The following CSMD2 variants were observed in gnomAD, a reference collection of about 807,000 sequenced individuals.
CSMD2 encodes CUB and Sushi multiple domains 2.
In CSMD2, 130 loss-of-function variants were observed where a neutral mutation model predicts 398.5. The observed-to-expected ratio is 0.33, with a 90% CI of 0.28 to 0.38. CSMD2 has a LOEUF of 0.38. Among genes scored for constraint, CSMD2 ranks in the 10% least tolerant of loss-of-function variants. CSMD2 has a pLI of 1.00. For synonymous variants in CSMD2, 1,828 were observed against 1,908.5 expected (o/e 0.96, Z 1.10); for missense variants, 3,829 against 4,764.9 (o/e 0.80, Z 5.78).
intron 6 of CSMD2, among the ~76,000 whole-genome samples, chr1:33,845,606 T>C (rs545088690): frequency 2.6e-5 from 4 of 152,224 alleles, no homozygotes; most frequent in African/African-American, 9.7e-5. Context: ...GCTGTTCCAC[T>C]CACACAAAGA....
At chr1:33,946,095 T>A (rs1644829580) in intron 3 of CSMD2, among the ~76,000 whole-genome samples, 1 of 152,158 alleles carries the variant, frequency 6.6e-6, no homozygotes, top group Admixed American at 6.5e-5. Context: ...ACTCCCTCCC[T>A]CTTGAAGAAA....
At chr1:34,013,691 T>C (rs969451462) in intron 3 of CSMD2, among the ~76,000 whole-genome samples, 32 of 151,888 alleles carry the variant, frequency 2.1e-4, no homozygotes, top group African/African-American at 7.0e-4. Context: ...GGTCCACACC[T>C]GGGGAAAAAA....
At chr1:33,864,555 CA>C in intron 5 of CSMD2, 7 of 1,614,026 alleles carry the variant, frequency 4.3e-6, no homozygotes, top group Non-Finnish European at 5.9e-6. Flanking sequence ...GTCGGTGGTG[CA>C]GGTGGCCAAG....
chr1:33,519,912 G>C lies in CSMD2; in HGVS notation c.10636C>G (p.Arg3546Gly), dbSNP rs150254787. 57 of 1,614,046 alleles carry C rather than the reference G, an allele frequency of 3.5e-5. No individual in the cohort carries two copies. The highest frequency in any genetic ancestry group is 4.7e-5 in the Non-Finnish European group (55 of 1,180,030). The change falls in exon 69 of 71, where the codon CGC becomes GGC. Residue 3546 changes from arginine to glycine, a missense_variant. Around this residue, in one of 5 missense-constraint regions of CSMD2, gnomAD observed 917 missense variants for 1,199.5 expected, o/e 0.76. Coordinates refer to ENST00000373381, the MANE Select transcript of CSMD2 (RefSeq NM_001281956.2). This position sits in a 1 kb window ranked among gnomAD's most constrained non-coding sequence, Gnocchi z 5.6. ...GAGCTGCTGTTGGAAGCAAAGTGGC[G>C]GCCAATGGACTCGGGGTCTGACTCC... ...LLESDPESIG[R>G]HFASNSSSVA... is the part of the protein sequence containing the mutation.
chr1:33,553,389 C>A (rs1297697344), intron 55 of CSMD2, among the ~76,000 whole-genome samples: 1 of 152,216 alleles, frequency 6.6e-6, no homozygotes, highest in Non-Finnish European at 1.5e-5. Context: ...ACCATGCACA[C>A]ATAAAATGGA....
Position 33,688,639 on chromosome 1 carries a change from A to G in CSMD2, c.4052+4291T>C, listed in dbSNP as rs890615338. Among the ~76,000 whole-genome samples, 51 of 152,246 alleles carry G rather than the reference A, an allele frequency of 3.3e-4. 1 individual carries two copies. The highest frequency in any genetic ancestry group is 1.2e-3 in the African/African-American group (49 of 41,540). ...CAGGAGTTCGAGACCAGCCTGGCTA[A>G]CATGGTGAAACCCTGTCTCTACAAA... On this transcript the variant is annotated intron_variant, in intron 25 of 70. Coordinates refer to ENST00000373381, the MANE Select transcript of CSMD2 (RefSeq NM_001281956.2).
intron 15 of CSMD2, among the ~76,000 whole-genome samples, chr1:33,729,953 A>C (rs1646668831): frequency 6.6e-6 from 1 of 152,194 alleles, no homozygotes; most frequent in African/African-American, 2.4e-5. Context: ...CTATTTCTAG[A>C]ACTCTCCCAA....
chr1:33,861,312 G>T (rs1328822478), intron 5 of CSMD2: 1 of 152,100 alleles, frequency 6.6e-6, no homozygotes, highest in Non-Finnish European at 1.5e-5. Context: ...AGGTTTTATT[G>T]GAACATAGCC....
intron 3 of CSMD2, among the ~76,000 whole-genome samples, chr1:33,998,681 C>A (rs1646803844): frequency 6.6e-6 from 1 of 152,194 alleles, no homozygotes; most frequent in African/African-American, 2.4e-5. Context: ...GTGTCTGGTA[C>A]ATGGAGGACC....
chr1:33,550,236 T>C lies in CSMD2; in HGVS notation c.8858A>G (p.Asn2953Ser). The C allele has an allele frequency of 6.2e-7, 1 of 1,614,190 alleles. No individual in the cohort carries two copies. The change falls in exon 56 of 71, where the codon AAC becomes AGC. Residue 2953 changes from asparagine (N) to serine (S), a missense_variant. Transcript: ENST00000373381. Reference protein sequence around the residue: ...SCIGKRTLVGNSTRMCGLDGH... With the variant: ...SCIGKRTLVGSSTRMCGLDGH... Reference sequence around the variant, plus strand: ...ATCCAGCCCACACATGCGGGTGCTGTTTCCCACCAGAGTACGCTTGCCGAT... The same window carrying C: ...ATCCAGCCCACACATGCGGGTGCTGCTTCCCACCAGAGTACGCTTGCCGAT...
Position 33,724,497 on chromosome 1 carries a change from CCCT to C in CSMD2, c.2884+16_2884+18del. The C allele has an allele frequency of 6.2e-7, 1 of 1,609,468 alleles. No individual in the cohort carries two copies. Among genetic ancestry groups the C allele is most frequent in the Non-Finnish European group, 8.5e-7 (1 of 1,177,320 alleles). ...GAGAGGAGTCTGCTACTTTAGCGCC[CCCT>C]CATGGTGTCCCTCACCTTCACAACT... is the stretch of plus-strand genomic sequence containing the variant. On this transcript the variant is annotated intron_variant, in intron 18 of 70. Transcript: ENST00000373381.
At position 33,635,499 on chromosome 1, in the gene CSMD2, G is replaced by A. The variant is rs1441362464; in HGVS notation, c.4970-169C>T. 2.0e-5 allele frequency among the ~76,000 whole-genome samples: 3 copies of A among 152,204 alleles called. No homozygotes were observed. Among genetic ancestry groups the A allele is most frequent in the Admixed American group, 6.5e-5 (1 of 15,286 alleles). ...TGCGGACCCTGCCCTGCCCAAGAAC[G>A]TGCACCCCTGGCCTGGCATGTAGCC... On this transcript the variant is annotated intron_variant, in intron 30 of 70. Coordinates refer to ENST00000373381, the MANE Select transcript of CSMD2 (RefSeq NM_001281956.2). The surrounding 1 kb of genome is among the most constrained non-coding windows in gnomAD (Gnocchi z 5.0).
At chr1:33,557,651 C>G in intron 55 of CSMD2, 83 bp downstream of exon 55, 1 of 1,169,502 alleles carries the variant, frequency 8.6e-7, no homozygotes, top group Non-Finnish European at 1.2e-6. Flanking sequence ...CACACACACA[C>G]ACACACACAT....
At chr1:33,831,251 C>A (rs1659516760) in intron 6 of CSMD2, among the ~76,000 whole-genome samples, 2 of 152,086 alleles carry the variant, frequency 1.3e-5, no homozygotes, top group Admixed American at 6.5e-5. Flanking sequence ...ATGTTAAGGG[C>A]AGCCAGAGAG....
chr1:33,925,964 G>A (rs1009261752), intron 4 of CSMD2, among the ~76,000 whole-genome samples: 4 of 152,014 alleles, frequency 2.6e-5, no homozygotes, highest in Admixed American at 6.5e-5. Context: ...TTTAGGTCCC[G>A]ATCCAAGTGC....
At chr1:33,594,672 C>T (rs1027167619) in intron 44 of CSMD2, among the ~76,000 whole-genome samples, 14 of 152,288 alleles carry the variant, frequency 9.2e-5, no homozygotes, top group Admixed American at 9.2e-4. Context: ...CTTCTCTCTA[C>T]CATTTTCACG....
intron 5 of CSMD2, among the ~76,000 whole-genome samples, chr1:33,871,932 T>A (rs1461004911): frequency 6.6e-6 from 1 of 152,192 alleles, no homozygotes; most frequent in Non-Finnish European, 1.5e-5. Context: ...AAGCCACCAG[T>A]CCCACTCTTG....
chr1:34,164,063 G>T lies in CSMD2; in HGVS notation c.187+848C>A, dbSNP rs1362067315. 6.6e-6 allele frequency among the ~76,000 whole-genome samples: 1 copy of T among 152,082 alleles called. No homozygotes were observed. On this transcript the variant is annotated intron_variant, in intron 1 of 70. Transcript: ENST00000373381. This position sits in a 1 kb window ranked among gnomAD's most constrained non-coding sequence, Gnocchi z 6.2. ...TCGTCGGGAGCTGGTCCCGCCGCCC[G>T]CGCCGCCGCTGCCGCTGCCGCAGCC...
At position 33,636,258 on chromosome 1, in the gene CSMD2, GCTTGAGGAC is replaced by G. The variant is rs1642795007; in HGVS notation, c.4969+93_4969+101del. On this transcript the variant is annotated intron_variant, in intron 30 of 70. Coordinates refer to ENST00000373381, the MANE Select transcript of CSMD2 (RefSeq NM_001281956.2). This position sits in a 1 kb window ranked among gnomAD's most constrained non-coding sequence, Gnocchi z 4.8. ...GGTTTGCCAGGCTTGGAGGAGCCGG[GCTTGAGGAC>G]CTTGCCCCCCTCCCTTCCCCAGCCC... 1 of 1,184,118 alleles carries G rather than the reference GCTTGAGGAC, an allele frequency of 8.4e-7. No individual in the cohort carries two copies. The highest frequency in any genetic ancestry group is 1.2e-6 in the Non-Finnish European group (1 of 849,242). The allele number at this position is 1,184,118 out of a possible 1,614,324, so 73.4% of individuals were successfully genotyped here.
Sources: allele counts gnomAD v4.1 joint callset (sites outside exome capture counted in the v4.1 genomes callset), GRCh38; gene constraint gnomAD v4.1.1; regional missense constraint gnomAD v4.1.1; non-coding constraint Gnocchi (gnomAD v3.1); transcripts MANE v1.5; gene names NCBI Gene and HGNC (gene_info 2026-07-23, HGNC 2026-07-21).